The following FLI1 variants were observed in gnomAD, a reference collection of about 807,000 sequenced individuals.
The protein encoded by FLI1 is Friend leukemia integration 1 transcription factor.
In FLI1, 13 loss-of-function variants were observed where a neutral mutation model predicts 53.1. The observed-to-expected ratio is 0.24, with a 90% confidence interval of 0.16 to 0.39. FLI1 has a LOEUF of 0.39. FLI1 is among the 10% of genes least tolerant of loss of function. The pLI, the probability that FLI1 is intolerant of heterozygous loss-of-function variation, is 1.00. For missense variants in FLI1, 424 were observed against 600.5 expected (o/e 0.71, Z 3.07); for synonymous variants, 244 against 236.7 (o/e 1.03, Z -0.28).
At chr11:128,774,929 G>T (rs1309892185) in intron 4 of FLI1, among the ~76,000 whole-genome samples, 2 of 152,220 alleles carry the variant, frequency 1.3e-5, no homozygotes, top group East Asian at 3.8e-4. Flanking sequence ...AGATAACAAG[G>T]TTGAAGTGGA....
chr11:128,811,388 G>A lies in FLI1; in HGVS notation c.*400G>A, dbSNP rs41302405. 3.0e-4 allele frequency: 79 copies of A among 259,842 alleles called. No individual in the cohort carries two copies. The highest frequency in any genetic ancestry group is 2.3e-3 in the Middle Eastern group (2 of 886). The allele number at this position is 259,842 out of a possible 1,614,324, so 16.1% of individuals were successfully genotyped here. ...TGACACAGAATCATGGACTTAACCC[G>A]TCATGTTCTGGTTTGAGATTTAGTG... On this transcript the variant is annotated 3_prime_UTR_variant, in exon 9 of 9. Coordinates refer to ENST00000527786, the MANE Select transcript of FLI1 (RefSeq NM_002017.5).
chr11:128,782,461 G>T (rs990189548), intron 5 of FLI1, among the ~76,000 whole-genome samples: 1 of 152,136 alleles, frequency 6.6e-6, no homozygotes, highest in Admixed American at 6.5e-5. Context: ...TTGGGGGGCC[G>T]AAGTGGGTGG....
At chr11:128,787,226 G>T (rs183406764) in intron 5 of FLI1, among the ~76,000 whole-genome samples, 8 of 152,176 alleles carry the variant, frequency 5.3e-5, no homozygotes, top group Non-Finnish European at 1.0e-4. Context: ...TGCCAAGCAC[G>T]TTCCTATCCA....
At chr11:128,705,819 G>A (rs1938525230) in intron 1 of FLI1, among the ~76,000 whole-genome samples, 1 of 152,216 alleles carries the variant, frequency 6.6e-6, no homozygotes, top group African/African-American at 2.4e-5. Flanking sequence ...AAGGATCCTT[G>A]GGAGCAAACA....
chr11:128,772,134 A>G (rs1941588627), intron 3 of FLI1, among the ~76,000 whole-genome samples: 1 of 152,030 alleles, frequency 6.6e-6, no homozygotes, highest in African/African-American at 2.4e-5. Context: ...AGATGGCCTC[A>G]GTGGTTACCT....
chr11:128,728,553 G>A (rs114270397), intron 1 of FLI1, among the ~76,000 whole-genome samples: 165 of 152,318 alleles, frequency 1.1e-3, no homozygotes, highest in African/African-American at 3.9e-3. Context: ...ATCTCCCTGA[G>A]GCAGGTTCTA....
intron 5 of FLI1, among the ~76,000 whole-genome samples, chr11:128,800,568 T>C (rs976333651): frequency 6.6e-6 from 1 of 152,184 alleles, no homozygotes; most frequent in Non-Finnish European, 1.5e-5. Flanking sequence ...AAGTTAACAT[T>C]GGTATGTCTA....
At chr11:128,774,804 G>A (rs73573757) in intron 4 of FLI1, among the ~76,000 whole-genome samples, 2,827 of 152,232 alleles carry the variant, frequency 0.019, 88 homozygotes, top group African/African-American at 0.065. Context: ...AACAGCCCAA[G>A]GTCCCCTAGT....
At chr11:128,806,594 T>G (rs1159092258) in intron 6 of FLI1, 2 of 152,216 alleles carry the variant, frequency 1.3e-5, no homozygotes, top group Non-Finnish European at 2.9e-5. Flanking sequence ...TATGGTGGGT[T>G]GTGGGGAGAC....
chr11:128,804,454 A>G (rs898808324), intron 5 of FLI1: 2 of 152,208 alleles, frequency 1.3e-5, no homozygotes, highest in African/African-American at 4.8e-5. Flanking sequence ...CTAGTTAGTT[A>G]AGCAATTTCT....
chr11:128,725,768 C>A (rs1939450112), intron 1 of FLI1, among the ~76,000 whole-genome samples: 2 of 151,914 alleles, frequency 1.3e-5, no homozygotes, highest in Admixed American at 1.3e-4. Flanking sequence ...AAACCCAAAC[C>A]ACAAAACCCC....
intron 1 of FLI1, among the ~76,000 whole-genome samples, chr11:128,714,205 GAAA>G (rs11301098): frequency 2.1e-5 from 2 of 97,478 alleles, no homozygotes; most frequent in African/African-American, 7.3e-5. Context: ...TCACTGGCCA[GAAA>G]AAAAAAAAAA....
At chr11:128,777,312 G>A (rs1941764928) in intron 4 of FLI1, among the ~76,000 whole-genome samples, 1 of 145,828 alleles carries the variant, frequency 6.9e-6, no homozygotes, top group Non-Finnish European at 1.5e-5. Flanking sequence ...AAACAAGTTC[G>A]TTTTGTATGT....
At chr11:128,771,884 A>C (rs1381953460) in intron 3 of FLI1, among the ~76,000 whole-genome samples, 1 of 152,168 alleles carries the variant, frequency 6.6e-6, no homozygotes, top group Non-Finnish European at 1.5e-5. Context: ...TATGATAAGG[A>C]TATTTAAGGT....
At chr11:128,756,922 C>T (rs899199606) in intron 1 of FLI1, among the ~76,000 whole-genome samples, 4 of 152,120 alleles carry the variant, frequency 2.6e-5, no homozygotes, top group African/African-American at 7.2e-5. Context: ...TCGAGACTGT[C>T]GCCCAGGCTG....
intron 5 of FLI1, among the ~76,000 whole-genome samples, chr11:128,802,598 C>T (rs1208767497): frequency 6.6e-6 from 1 of 152,218 alleles, no homozygotes; most frequent in East Asian, 1.9e-4. Context: ...CTTCCTTTTT[C>T]ACCTATGTGA....
chr11:128,783,406 C>T (rs776070327), intron 5 of FLI1, among the ~76,000 whole-genome samples: 9 of 152,144 alleles, frequency 5.9e-5, no homozygotes, highest in African/African-American at 9.7e-5. Context: ...ATAATGAATC[C>T]GCTTTTAAAC....
At chr11:128,691,502 G>T (rs1172610118), upstream of FLI1, among the ~76,000 whole-genome samples, 1 of 152,046 alleles carries the variant, frequency 6.6e-6, no homozygotes, top group Non-Finnish European at 1.5e-5. Context: ...GCTGAAAATC[G>T]CCAACAACAG....
chr11:128,761,185 C>T (rs1258037289), intron 2 of FLI1, among the ~76,000 whole-genome samples: 4 of 152,222 alleles, frequency 2.6e-5, no homozygotes, highest in Admixed American at 1.3e-4. Context: ...CAGGCACCCT[C>T]GTGCCTCAGA....
Sources: allele counts gnomAD v4.1 joint callset (sites outside exome capture counted in the v4.1 genomes callset), GRCh38; gene constraint gnomAD v4.1.1; transcripts MANE v1.5; gene names NCBI Gene and HGNC (gene_info 2026-07-23, HGNC 2026-07-21).